The following KCNMA1 variants were observed in gnomAD, a reference collection of about 807,000 sequenced individuals.
KCNMA1 encodes the protein potassium calcium-activated channel subfamily M alpha 1.
A neutral mutation model predicts 140.0 loss-of-function variants in KCNMA1; 29 were observed. The observed-to-expected ratio is 0.21, with a 90% CI of 0.15 to 0.28. The LOEUF is 0.28. KCNMA1 is among the 10% of genes least tolerant of loss of function. KCNMA1 has a pLI of 1.00. For missense variants in KCNMA1, 880 were observed against 1,602.2 expected, an observed-to-expected ratio of 0.55 and a Z score of 7.70; for synonymous variants, 612 against 611.9, an observed-to-expected ratio of 1.00 and a Z score of 0.00.
At chr10:77,276,627 G>A (rs575191233) in intron 2 of KCNMA1, among the ~76,000 whole-genome samples, 2 of 152,186 alleles carry the variant, frequency 1.3e-5, no homozygotes, top group South Asian at 2.1e-4. Context: ...TGTATTATGC[G>A]TGAGGTTTGT....
At chr10:77,080,689 C>T (rs1488594620) in intron 12 of KCNMA1, among the ~76,000 whole-genome samples, 1 of 152,130 alleles carries the variant, frequency 6.6e-6, no homozygotes, top group Admixed American at 6.5e-5. Flanking sequence ...GGGCTGCCAG[C>T]TTATTGCCTA....
chr10:76,954,154 C>A (rs760907021), intron 20 of KCNMA1, among the ~76,000 whole-genome samples: 2 of 152,094 alleles, frequency 1.3e-5, no homozygotes, highest in Non-Finnish European at 2.9e-5. Flanking sequence ...CTGCCTTTCC[C>A]CCGCTCCTCT....
chr10:77,592,595 G>A (rs949661159), intron 1 of KCNMA1, among the ~76,000 whole-genome samples: 1 of 152,180 alleles, frequency 6.6e-6, no homozygotes, highest in Non-Finnish European at 1.5e-5. Flanking sequence ...AGGTGCAGTT[G>A]GCATCCTTAA....
intron 2 of KCNMA1, among the ~76,000 whole-genome samples, chr10:77,289,391 C>G (rs940308116): frequency 5.3e-5 from 8 of 152,162 alleles, no homozygotes; most frequent in African/African-American, 1.9e-4. Context: ...CTCCAGCCGG[C>G]GTCCCTCCAG....
At chr10:77,449,933 C>G (rs817528) in intron 1 of KCNMA1, among the ~76,000 whole-genome samples, 1 of 150,466 alleles carries the variant, frequency 6.6e-6, no homozygotes, top group Non-Finnish European at 1.5e-5. Flanking sequence ...TGAGCCACCA[C>G]GCCTGGCCTA....
At chr10:77,316,033 G>T (rs986759859) in intron 2 of KCNMA1, among the ~76,000 whole-genome samples, 1 of 152,158 alleles carries the variant, frequency 6.6e-6, no homozygotes. Context: ...GGATTCAGAA[G>T]AGCAATGCTT....
chr10:77,019,691 T>G (rs2092609168), intron 16 of KCNMA1: 1 of 152,470 alleles, frequency 6.6e-6, no homozygotes, highest in African/African-American at 2.4e-5. Context: ...TAGGAAGAAT[T>G]GGATTTACCC....
chr10:77,456,515 G>C (rs973056476), intron 1 of KCNMA1, among the ~76,000 whole-genome samples: 12 of 152,200 alleles, frequency 7.9e-5, no homozygotes, highest in Non-Finnish European at 1.8e-4. Context: ...TGACAGCAGG[G>C]ACATCATCTA....
At chr10:77,223,194 A>G (rs923870089) in intron 3 of KCNMA1, among the ~76,000 whole-genome samples, 2 of 150,638 alleles carry the variant, frequency 1.3e-5, no homozygotes, top group Non-Finnish European at 3.0e-5. Context: ...ATGCCATTGC[A>G]CTCCAGCTCT....
intron 3 of KCNMA1, among the ~76,000 whole-genome samples, chr10:77,222,971 T>A (rs142294842): frequency 1.1e-3 from 168 of 152,276 alleles, no homozygotes; most frequent in South Asian, 2.1e-3. Flanking sequence ...AGCTCACACA[T>A]GTAATCTCAG....
chr10:77,561,292 A>C (rs1208591556), intron 1 of KCNMA1, among the ~76,000 whole-genome samples: 3 of 152,210 alleles, frequency 2.0e-5, no homozygotes, highest in Admixed American at 2.0e-4. Flanking sequence ...TGAATGTATT[A>C]ATGACATACA....
At chr10:77,286,162 T>C (rs1034917975) in intron 2 of KCNMA1, among the ~76,000 whole-genome samples, 3 of 152,196 alleles carry the variant, frequency 2.0e-5, no homozygotes, top group African/African-American at 4.8e-5. Context: ...AATTTTTAAA[T>C]TGAACTTTAT....
At chr10:77,266,759 T>C (rs2063562882) in intron 2 of KCNMA1, among the ~76,000 whole-genome samples, 1 of 152,232 alleles carries the variant, frequency 6.6e-6, no homozygotes, top group Admixed American at 6.5e-5. Flanking sequence ...TCATGAGTTT[T>C]CTTCTGAGTC....
At chr10:77,630,988 T>C (rs1276002163) in intron 1 of KCNMA1, among the ~76,000 whole-genome samples, 1 of 151,106 alleles carries the variant, frequency 6.6e-6, no homozygotes. Flanking sequence ...CACCCATAAG[T>C]CTTGGCTACT....
intron 27 of KCNMA1, chr10:76,887,882 CG>C (rs1361832484): frequency 2.6e-5 from 8 of 306,472 alleles, no homozygotes; most frequent in Admixed American, 1.8e-4. Flanking sequence ...TCATAATTTT[CG>C]GACAATCCCA....
chr10:77,218,280 T>C (rs939523082), intron 3 of KCNMA1, among the ~76,000 whole-genome samples: 4 of 152,134 alleles, frequency 2.6e-5, no homozygotes, highest in Non-Finnish European at 4.4e-5. Context: ...TGGCCACCCA[T>C]ACAGGCCATT....
intron 19 of KCNMA1, chr10:76,977,805 G>T: frequency 1.7e-6 from 1 of 583,334 alleles, no homozygotes; most frequent in Non-Finnish European, 3.0e-6. Flanking sequence ...CATGAGTCAG[G>T]TGAGTTTCAC....
chr10:77,292,257 G>T (rs1267728144), intron 2 of KCNMA1, among the ~76,000 whole-genome samples: 1 of 152,146 alleles, frequency 6.6e-6, no homozygotes, highest in African/African-American at 2.4e-5. Context: ...TCCCTCTTAG[G>T]GATCCACTCC....
At chr10:77,004,444 A>G (rs912315899) in intron 18 of KCNMA1, among the ~76,000 whole-genome samples, 1 of 152,088 alleles carries the variant, frequency 6.6e-6, no homozygotes, top group African/African-American at 2.4e-5. Context: ...AGGTATCTTC[A>G]CCTAGAGACT....
Sources: allele counts gnomAD v4.1 joint callset (sites outside exome capture counted in the v4.1 genomes callset), GRCh38; gene constraint gnomAD v4.1.1; transcripts MANE v1.5; gene names NCBI Gene and HGNC (gene_info 2026-07-23, HGNC 2026-07-21).